The following PREX1 variants were observed in gnomAD, a reference collection of about 807,000 sequenced individuals.
The protein encoded by PREX1 is phosphatidylinositol 3,4,5-trisphosphate-dependent Rac exchanger 1 protein.
In PREX1, 41 loss-of-function variants were observed where a neutral mutation model predicts 198.3. That is an observed-to-expected ratio of 0.21 (90% CI 0.16 to 0.27). The LOEUF (loss-of-function observed/expected upper bound fraction) is 0.27, where lower values mean the gene tolerates loss of function less well. PREX1 is among the 10% of genes least tolerant of loss of function. PREX1 has a pLI of 1.00. For synonymous variants in PREX1, 843 were observed against 887.2 expected (o/e 0.95, Z 0.89); for missense variants, 1,620 against 2,200.7 (o/e 0.74, Z 5.28).
rs145654414 is a variant in PREX1, at chr20:48,824,393, A to C, written c.219+3249T>G. ...GGCCGGAGTTTAGGGTGTCAAAAGG[A>C]AACTCACTCAGAGCCCCCATCCTCC... On this transcript the variant is annotated intron_variant, in intron 1 of 39. Coordinates refer to ENST00000371941, the MANE Select transcript of PREX1 (RefSeq NM_020820.4). Among the ~76,000 whole-genome samples the C allele has an allele frequency of 2.0e-3, 299 of 152,224 alleles. 11 individuals carry two copies. The South Asian group carries it at 0.038, about 19-fold the overall frequency.
At chr20:48,795,143 C>T (rs772904118) in intron 1 of PREX1, among the ~76,000 whole-genome samples, 19 of 152,158 alleles carry the variant, frequency 1.2e-4, no homozygotes, top group Non-Finnish European at 2.1e-4. Context: ...TCCATAAGGA[C>T]AGGGGCTCGG....
chr20:48,882,299 A>G, the PREX1 span, among the ~76,000 whole-genome samples: 4 of 151,590 alleles, frequency 2.6e-5, no homozygotes, highest in South Asian at 2.1e-4. Flanking sequence ...TCAGGAGATC[A>G]AGACCATCCT....
chr20:48,872,535 G>C, the PREX1 span, among the ~76,000 whole-genome samples: 1 of 152,096 alleles, frequency 6.6e-6, no homozygotes, highest in Non-Finnish European at 1.5e-5. Flanking sequence ...CTAGAGGTCA[G>C]GAGTTCAAGA....
chr20:48,720,752 G>C (rs932502314), intron 5 of PREX1, among the ~76,000 whole-genome samples: 9 of 150,970 alleles, frequency 6.0e-5, no homozygotes, highest in African/African-American at 2.2e-4. Context: ...CCTGGCAATG[G>C]ACCTCACTCA....
chr20:48,797,336 T>G (rs1232626155), intron 1 of PREX1, among the ~76,000 whole-genome samples: 1 of 136,148 alleles, frequency 7.3e-6, no homozygotes, highest in Admixed American at 7.4e-5. Flanking sequence ...GGCCCCCTGC[T>G]CCCCCCAGAC....
At chr20:48,810,895 A>T (rs74273484) in intron 1 of PREX1, among the ~76,000 whole-genome samples, 27,203 of 151,992 alleles carry the variant, frequency 0.18, 2,608 homozygotes, top group Middle Eastern at 0.3. Context: ...CTCAAAAAAA[A>T]AATAATAATA....
intron 2 of PREX1, among the ~76,000 whole-genome samples, chr20:48,745,357 C>T (rs1175175106): frequency 2.0e-5 from 3 of 152,224 alleles, no homozygotes; most frequent in African/African-American, 4.8e-5. Flanking sequence ...AGTGACTAAT[C>T]GTGTGTTAAG....
chr20:48,637,430 G>A (rs6019335), intron 31 of PREX1, among the ~76,000 whole-genome samples: 1 of 152,232 alleles, frequency 6.6e-6, no homozygotes, highest in East Asian at 1.9e-4. Context: ...TGGGGCTGAA[G>A]GCTCTACCGG....
At chr20:48,710,481 TCAG>T (rs1177742741) in intron 5 of PREX1, among the ~76,000 whole-genome samples, 1 of 152,170 alleles carries the variant, frequency 6.6e-6, no homozygotes. Context: ...CAACTCTCTA[TCAG>T]GTAGGCACCA....
Position 48,679,742 on chromosome 20 carries a change from T to C in PREX1, c.1448A>G (p.His483Arg), listed in dbSNP as rs2089735823. ...CATCACCTGCTCATTCTTGAACTGG[T>C]GCTTGTCGGAAACTGGAGAGACAGG... is the stretch of plus-strand genomic sequence containing the variant. ...NGIIHHVSDK[H>R]QFKNEQVMYR... Residue 483 changes from histidine (H) to arginine (R), a missense_variant, in exon 12 of 40, where the codon CAC (histidine) becomes CGC (arginine). His to Arg is a conservative substitution (Grantham distance 29). Coordinates refer to ENST00000371941, the MANE Select transcript of PREX1 (RefSeq NM_020820.4). The C allele has an allele frequency of 6.2e-7, 1 of 1,612,812 alleles. No homozygotes were observed. The highest frequency in any genetic ancestry group is 8.5e-7 in the Non-Finnish European group (1 of 1,178,798).
At chr20:48,681,356 G>T in intron 10 of PREX1, 21 bp from the exon 11 acceptor site, 3 of 1,610,710 alleles carry the variant, frequency 1.9e-6, no homozygotes, top group Non-Finnish European at 2.5e-6. Context: ...CACAATATGT[G>T]GTTGAGAGGA....
At chr20:48,879,150 A>G in the PREX1 span, among the ~76,000 whole-genome samples, 2 of 152,242 alleles carry the variant, frequency 1.3e-5, no homozygotes, top group South Asian at 2.1e-4. Context: ...CTTGTAACCA[A>G]GAGACCATTT....
the PREX1 span, among the ~76,000 whole-genome samples, chr20:48,886,029 C>A: frequency 6.6e-6 from 1 of 152,082 alleles, no homozygotes. Flanking sequence ...ATGTGCAATC[C>A]CGAAACCTAA....
the PREX1 span, among the ~76,000 whole-genome samples, chr20:48,880,426 G>C: frequency 6.6e-6 from 1 of 152,174 alleles, no homozygotes; most frequent in Non-Finnish European, 1.5e-5. Flanking sequence ...TGATGTGGTA[G>C]CTCCACAAAA....
chr20:48,632,320 C>T lies in PREX1; in HGVS notation c.4483G>A (p.Ala1495Thr), dbSNP rs762386650. The T allele has an allele frequency of 2.8e-5, 45 of 1,613,990 alleles. No homozygotes were observed. Among genetic ancestry groups the T allele is most frequent in the Non-Finnish European group, 3.5e-5 (41 of 1,180,044 alleles). Residue 1495 changes from alanine to threonine, a missense_variant, in exon 35 of 40, where the codon GCG becomes ACG. Physicochemically the swap from Ala to Thr is moderately conservative, Grantham distance 58 (BLOSUM62 0). This residue lies in a region of PREX1 where 476 missense variants were observed against 603.4 expected (regional missense o/e 0.79). Transcript: ENST00000371941. ...AAEDLQQDIN[A>T]QSLEKVQQYY... ...TGCTGAACTTTCTCCAGGGACTGCG[C>T]GTTGATGTCCTGCTGCAAATCCTCC...
At chr20:48,708,491 C>T (rs1040481561) in intron 5 of PREX1, 70 bp from the exon 6 acceptor site, 21 of 1,524,256 alleles carry the variant, frequency 1.4e-5, no homozygotes, top group Middle Eastern at 1.7e-4. Context: ...CAGGCCAGAG[C>T]TGAACCCAAG....
intron 36 of PREX1, among the ~76,000 whole-genome samples, chr20:48,630,493 C>T (rs1188329920): frequency 2.0e-5 from 3 of 152,304 alleles, no homozygotes; most frequent in African/African-American, 7.2e-5. Flanking sequence ...GTTAATAAGG[C>T]GGATTGGAGT....
intron 5 of PREX1, among the ~76,000 whole-genome samples, chr20:48,717,363 G>C (rs2089966783): frequency 6.6e-6 from 1 of 152,120 alleles, no homozygotes. Flanking sequence ...ACACAGGCCT[G>C]CCCAAGGCTC....
At chr20:48,719,308 C>A (rs1019262315) in intron 5 of PREX1, among the ~76,000 whole-genome samples, 3 of 152,168 alleles carry the variant, frequency 2.0e-5, no homozygotes, top group Non-Finnish European at 2.9e-5. Flanking sequence ...GCAGGACCCC[C>A]CCCCCAACTC....
Sources: allele counts gnomAD v4.1 joint callset (sites outside exome capture counted in the v4.1 genomes callset), GRCh38; gene constraint gnomAD v4.1.1; regional missense constraint gnomAD v4.1.1; transcripts MANE v1.5; gene names NCBI Gene and HGNC (gene_info 2026-07-23, HGNC 2026-07-21).